PNPLA7: variants seen among roughly 807,000 people sequenced by gnomAD.
PNPLA7 encodes patatin-like phospholipase domain-containing protein 7.
A neutral mutation model predicts 161.7 loss-of-function variants in PNPLA7; 153 were observed. The observed-to-expected ratio is 0.95, with a 90% CI of 0.83 to 1.08. The LOEUF is 1.08. Ranked by LOEUF, PNPLA7 falls within the 50% of genes least tolerant of loss-of-function variation. The pLI, the probability that PNPLA7 is intolerant of heterozygous loss-of-function variation, is 0.00. For missense variants in PNPLA7, 1,739 were observed against 1,856.6 expected (o/e 0.94, Z 1.16); for synonymous variants, 809 against 782.1 (o/e 1.03, Z -0.57).
chr9:137,462,872 AT>A, intron 29 of PNPLA7, 39 bp from the exon 30 acceptor site: 1 of 1,607,946 alleles, frequency 6.2e-7, no homozygotes, highest in Non-Finnish European at 8.5e-7. Context: ...CTGGACAGGC[AT>A]GCAGAGCCAG....
At position 137,468,827 on chromosome 9, in the gene PNPLA7, T is replaced by C. The variant is rs556254201; in HGVS notation, c.2883-1354A>G. On this transcript the variant is annotated intron_variant, in intron 25 of 34. Transcript: ENST00000406427. The surrounding 1 kb of genome is among the most constrained non-coding windows in gnomAD (Gnocchi z 4.0). Reference sequence around the variant, plus strand: ...TGTATCATTAATTATATTAATATGATATATTAATACTTAATTGGATACTCA... The same window carrying C: ...TGTATCATTAATTATATTAATATGACATATTAATACTTAATTGGATACTCA... Among the ~76,000 whole-genome samples, 3 of 152,268 alleles carry C rather than the reference T, an allele frequency of 2.0e-5. No individual in the cohort carries two copies. In the South Asian group the frequency reaches 6.2e-4, roughly 32 times the overall value.
At chr9:137,475,068 G>C (rs908818487) in intron 25 of PNPLA7, among the ~76,000 whole-genome samples, 1 of 149,692 alleles carries the variant, frequency 6.7e-6, no homozygotes, top group African/African-American at 2.5e-5. Flanking sequence ...ATAAGAGGGA[G>C]GTAAACATTT....
chr9:137,492,726 A>C (rs1277047385), intron 20 of PNPLA7, among the ~76,000 whole-genome samples: 4 of 119,740 alleles, frequency 3.3e-5, no homozygotes, highest in Admixed American at 3.2e-4. Context: ...AGGGCTCCAG[A>C]ACAGAGCAGG....
rs1836320084 is a variant in PNPLA7, at chr9:137,543,422, CCGCTCT to C, written c.506+4_506+9del. ...CTGCCGCAGCCCCCGGGGCTCATCC[CCGCTCT>C]TACCGAACGTTTTTCAGCATGTACA... is the stretch of plus-strand genomic sequence containing the variant. On this transcript the variant is annotated splice_donor_5th_base_variant and intron_variant, in intron 6 of 34. Transcript: ENST00000406427. This position sits in a 1 kb window ranked among gnomAD's most constrained non-coding sequence, Gnocchi z 6.9. 6.2e-7 allele frequency: 1 copy of C among 1,613,986 alleles called. No individual in the cohort carries two copies. The highest frequency in any genetic ancestry group is 2.2e-5 in the East Asian group (1 of 44,874).
rs1485279836 is a variant in PNPLA7 at position 137,480,400 on chromosome 9, G to A, written c.2492C>T (p.Thr831Met). ...HRIVLYQADG[T>M]LTPWTQRCVR... ...GCAGCGCTGGGTCCAGGGTGTGAGCGTGCCATCTGCCTGGTAGAGCACGAT... is the reference window on the plus strand; with the variant it reads ...GCAGCGCTGGGTCCAGGGTGTGAGCATGCCATCTGCCTGGTAGAGCACGAT... The change falls in exon 23 of 35, where the codon ACG becomes ATG. Residue 831 changes from threonine (T) to methionine (M), a missense_variant. By Grantham distance (81) the Thr-to-Met change is moderately conservative (BLOSUM62 -1). Transcript: ENST00000406427. The A allele has an allele frequency of 5.0e-6, 8 of 1,613,398 alleles. No homozygotes were observed. The East Asian group carries it at 8.9e-5, about 18-fold the overall frequency.
intron 24 of PNPLA7, chr9:137,478,736 C>A (rs926826086): frequency 7.3e-6 from 2 of 275,022 alleles, no homozygotes; most frequent in East Asian, 1.5e-4. Flanking sequence ...CCAGGGTTCA[C>A]TGAGCCCCCC....
At chr9:137,539,304 T>C (rs564323347) in intron 8 of PNPLA7, among the ~76,000 whole-genome samples, 24 of 149,484 alleles carry the variant, frequency 1.6e-4, no homozygotes, top group African/African-American at 4.9e-4. Flanking sequence ...GATTGCGCCA[T>C]TGTACTCCAG....
In PNPLA7 at chr9:137,520,478, A is replaced by C. The variant is rs1205875807; in HGVS notation, c.958-435T>G. Among the ~76,000 whole-genome samples, 1 of 152,236 alleles carries C rather than the reference A, an allele frequency of 6.6e-6. No individual in the cohort carries two copies. The highest frequency in any genetic ancestry group is 2.4e-5 in the African/African-American group (1 of 41,454). On this transcript the variant is annotated intron_variant, in intron 10 of 34. Transcript: ENST00000406427. This position sits in a 1 kb window ranked among gnomAD's most constrained non-coding sequence, Gnocchi z 5.2. ...GTAGAAAACAAAAAGATATTCCCTT[A>C]ATGTCAACAACTGAAGACGACAAGC...
In PNPLA7 at chr9:137,486,681, C is replaced by T. The variant is rs527797356; in HGVS notation, c.2198-1945G>A. On this transcript the variant is annotated intron_variant, in intron 20 of 34. Coordinates refer to ENST00000406427, the MANE Select transcript of PNPLA7 (RefSeq NM_001098537.3). The surrounding 1 kb of genome is among the most constrained non-coding windows in gnomAD (Gnocchi z 6.0). ...CCCCGCCCTCAGTCCAACTCAGCAC[C>T]GGGAGCCCTGGGCCTCCACCGCCCA... 3.9e-4 allele frequency among the ~76,000 whole-genome samples: 59 copies of T among 152,202 alleles called. No homozygotes were observed. In the East Asian group the frequency reaches 0.01, roughly 27 times the overall value.
chr9:137,484,582 C>G lies in PNPLA7; in HGVS notation c.2347+5G>C, dbSNP rs762981981. On this transcript the variant is annotated splice_donor_5th_base_variant and intron_variant, in intron 21 of 34. Coordinates refer to ENST00000406427, the MANE Select transcript of PNPLA7 (RefSeq NM_001098537.3). ...ATGGCTGGAGGCTGGGAGGCTCAGGCTTACCGATGGCGCTGAGGGCATGCT... is the reference window on the plus strand; with the variant it reads ...ATGGCTGGAGGCTGGGAGGCTCAGGGTTACCGATGGCGCTGAGGGCATGCT... The G allele has an allele frequency of 5.0e-6, 8 of 1,594,716 alleles. No individual in the cohort carries two copies. The East Asian group carries it at 1.3e-4, about 27-fold the overall frequency.
chr9:137,480,549 G>A lies in PNPLA7; in HGVS notation c.2412-69C>T, dbSNP rs1832164955. On this transcript the variant is annotated intron_variant, in intron 22 of 34. Coordinates refer to ENST00000406427, the MANE Select transcript of PNPLA7 (RefSeq NM_001098537.3). ...GGCACTCTTAGCACATGTCCCCGGG[G>A]CAAAGAGGCAGCAGAGGCCAGCACC... 7 of 1,511,454 alleles carry A rather than the reference G, an allele frequency of 4.6e-6. No individual in the cohort carries two copies. In the South Asian group the frequency reaches 5.2e-5, roughly 11 times the overall value. The allele number at this position is 1,511,454 out of a possible 1,614,324, so 93.6% of individuals were successfully genotyped here.
In PNPLA7 at chr9:137,520,099, C is replaced by T. The variant is rs1170754006; in HGVS notation, c.958-56G>A. 1 of 1,598,406 alleles carries T rather than the reference C, an allele frequency of 6.3e-7. No homozygotes were observed. Among genetic ancestry groups the T allele is most frequent in the Non-Finnish European group, 8.5e-7 (1 of 1,173,864 alleles). ...CCCAGGAACACCCCACACCCACTGACAGGTGTGGGCTCCTCAAAGGTGTGA... is the reference window on the plus strand; with the variant it reads ...CCCAGGAACACCCCACACCCACTGATAGGTGTGGGCTCCTCAAAGGTGTGA... On this transcript the variant is annotated intron_variant, in intron 10 of 34. Coordinates refer to ENST00000406427, the MANE Select transcript of PNPLA7 (RefSeq NM_001098537.3). The surrounding 1 kb of genome is among the most constrained non-coding windows in gnomAD (Gnocchi z 5.2).
At chr9:137,487,458 C>T (rs968535065) in intron 20 of PNPLA7, among the ~76,000 whole-genome samples, 5 of 152,220 alleles carry the variant, frequency 3.3e-5, no homozygotes, top group African/African-American at 1.2e-4. Context: ...CCGGCAGCCC[C>T]AGTAAAGGAC....
At chr9:137,491,411 A>C in intron 20 of PNPLA7, 4 of 861,940 alleles carry the variant, frequency 4.6e-6, no homozygotes, top group Non-Finnish European at 5.6e-6. Context: ...GATTGTCAGA[A>C]GGGATGAGGA....
At chr9:137,463,038 A>G in intron 29 of PNPLA7, 1 of 719,796 alleles carries the variant, frequency 1.4e-6, no homozygotes. Context: ...CTGACCGTAT[A>G]TCCCACAGGT....
chr9:137,492,048 G>T, intron 20 of PNPLA7: 1 of 985,376 alleles, frequency 1.0e-6, no homozygotes, highest in Non-Finnish European at 1.2e-6. Context: ...GAATGGCAAG[G>T]GGATCTGGGG....
chr9:137,462,914 CCT>C lies in PNPLA7; in HGVS notation c.3344-83_3344-82del, dbSNP rs1408300708. The C allele has an allele frequency of 2.6e-6, 4 of 1,568,570 alleles. No individual in the cohort carries two copies. In the African/African-American group the frequency reaches 5.4e-5, roughly 21 times the overall value. ...GGGGGCAGAGCCTGCCTCTCCGAGCCCTGACGTGGGGGTTGTGGGGTCTCCTC... is the reference window on the plus strand; with the variant it reads ...GGGGGCAGAGCCTGCCTCTCCGAGCCGACGTGGGGGTTGTGGGGTCTCCTC... On this transcript the variant is annotated intron_variant, in intron 29 of 34. Transcript: ENST00000406427.
chr9:137,463,592 C>T (rs1345887465), intron 28 of PNPLA7, 61 bp from the exon 29 acceptor site: 1 of 1,284,980 alleles, frequency 7.8e-7, no homozygotes, highest in African/African-American at 1.5e-5. Flanking sequence ...GTCCAGGGTT[C>T]AGGGCCTTGC....
At chr9:137,485,259 A>G (rs1009928506) in intron 20 of PNPLA7, among the ~76,000 whole-genome samples, 2 of 152,226 alleles carry the variant, frequency 1.3e-5, no homozygotes, top group African/African-American at 2.4e-5. Flanking sequence ...ACTGAAAGGA[A>G]TGTGAGGCTC....
Sources: allele counts gnomAD v4.1 joint callset (sites outside exome capture counted in the v4.1 genomes callset), GRCh38; gene constraint gnomAD v4.1.1; non-coding constraint Gnocchi (gnomAD v3.1); transcripts MANE v1.5; gene names NCBI Gene and HGNC (gene_info 2026-07-23, HGNC 2026-07-21).